PLXNA4: variants seen among roughly 807,000 people sequenced by gnomAD.
PLXNA4 encodes the protein plexin-A4.
A neutral mutation model predicts 191.8 loss-of-function variants in PLXNA4; 44 were observed. The observed-to-expected ratio is 0.23, with a 90% CI of 0.18 to 0.29. The LOEUF (loss-of-function observed/expected upper bound fraction) is 0.29. Among genes scored for constraint, PLXNA4 ranks in the 10% least tolerant of loss-of-function variants. The probability of loss-of-function intolerance (pLI) is 1.00; values close to 1 mark genes in which losing one functional copy is unlikely to be tolerated. For synonymous variants in PLXNA4, 1,082 were observed against 1,009.5 expected (o/e 1.07, Z -1.36); for missense variants, 1,800 against 2,488.8 (o/e 0.72, Z 5.89).
At chr7:132,433,771 C>G (rs572187803) in intron 3 of PLXNA4, among the ~76,000 whole-genome samples, 18 of 152,288 alleles carry the variant, frequency 1.2e-4, no homozygotes, top group African/African-American at 4.3e-4. Context: ...CTCAGGTCAG[C>G]CCTGACTTCC....
intron 2 of PLXNA4, among the ~76,000 whole-genome samples, chr7:132,505,658 T>G (rs1798438191): frequency 6.6e-6 from 1 of 152,206 alleles, no homozygotes; most frequent in East Asian, 1.9e-4. Flanking sequence ...CCTTGGGCAA[T>G]TCATTCAGCT....
intron 4 of PLXNA4, among the ~76,000 whole-genome samples, chr7:132,251,464 C>A (rs1433661495): frequency 1.3e-5 from 2 of 152,088 alleles, no homozygotes; most frequent in East Asian, 3.9e-4. Flanking sequence ...GGCAGCGGAG[C>A]CAAGCTAGTC....
rs779555562 is a variant in PLXNA4 at position 132,194,105 on chromosome 7, C to T, written c.2813G>A (p.Arg938Gln). The change falls in exon 14 of 32, where the codon CGG becomes CAG. Residue 938 changes from arginine to glutamine, a missense_variant. This residue lies in a region of PLXNA4 where 1,397 missense variants were observed against 1,880.4 expected (regional missense o/e 0.74). Coordinates refer to ENST00000321063, the MANE Select transcript of PLXNA4 (RefSeq NM_020911.2). ...GFVEICVAVC[R>Q]PEFMARSSQL... ...TGAGGACCGGGCCATGAATTCAGGC[C>T]GACACACAGCCACGCAGATCTCCAC... The T allele has an allele frequency of 5.6e-6, 9 of 1,613,664 alleles. No homozygotes were observed. Among genetic ancestry groups the T allele is most frequent in the East Asian group, 2.2e-5 (1 of 44,846 alleles).
chr7:132,536,774 C>T lies in PLXNA4; in HGVS notation c.-86-27995G>A, dbSNP rs556871376. Among the ~76,000 whole-genome samples, 57 of 152,312 alleles carry T rather than the reference C, an allele frequency of 3.7e-4. 1 individual carries two copies. The South Asian group carries it at 0.01, about 27-fold the overall frequency. On this transcript the variant is annotated intron_variant, in intron 1 of 31. Coordinates refer to ENST00000321063, the MANE Select transcript of PLXNA4 (RefSeq NM_020911.2). ...CAGCAACTCATACACCACCCCTAAG[C>T]GAGGAAATGCTGCCCTAAACGTATG... is the stretch of plus-strand genomic sequence containing the variant.
At chr7:132,586,279 G>A (rs1287875443) in intron 2 of PLXNA4, among the ~76,000 whole-genome samples, 6 of 152,162 alleles carry the variant, frequency 3.9e-5, no homozygotes, top group African/African-American at 1.4e-4. Flanking sequence ...GTCTATGATT[G>A]CAATAAAAGA....
chr7:132,431,996 A>T (rs904480623), intron 3 of PLXNA4, among the ~76,000 whole-genome samples: 7 of 152,032 alleles, frequency 4.6e-5, no homozygotes, highest in African/African-American at 1.7e-4. Context: ...GACCCTCCTC[A>T]TACTGCCTAC....
chr7:132,523,555 G>A (rs978417344), intron 1 of PLXNA4, among the ~76,000 whole-genome samples: 6 of 152,226 alleles, frequency 3.9e-5, no homozygotes, highest in African/African-American at 7.2e-5. Flanking sequence ...AGCAGATGCC[G>A]GAGGGTATAT....
At chr7:132,509,160 A>AGAGG (rs530262352) in intron 1 of PLXNA4, among the ~76,000 whole-genome samples, 2,431 of 124,172 alleles carry the variant, frequency 0.02, 91 homozygotes, top group African/African-American at 0.067. Context: ...CTGGAGGAGA[A>AGAGG]GAGGGAGGGA....
At chr7:132,147,499 G>T (rs1382676702) in intron 27 of PLXNA4, among the ~76,000 whole-genome samples, 1 of 152,110 alleles carries the variant, frequency 6.6e-6, no homozygotes, top group African/African-American at 2.4e-5. Context: ...GTCTGTACCT[G>T]CACTCCACTG....
intron 4 of PLXNA4, among the ~76,000 whole-genome samples, chr7:132,275,751 C>T (rs540198426): frequency 6.6e-6 from 1 of 152,350 alleles, no homozygotes; most frequent in South Asian, 2.1e-4. Flanking sequence ...TCCTCTAGCT[C>T]TACTGGAGTG....
chr7:132,253,875 C>A (rs1435374678), intron 4 of PLXNA4, among the ~76,000 whole-genome samples: 1 of 152,196 alleles, frequency 6.6e-6, no homozygotes, highest in African/African-American at 2.4e-5. Flanking sequence ...CTACAGCCCC[C>A]ATATGTGCAG....
chr7:132,487,652 GGA>G (rs1797614452), intron 3 of PLXNA4, among the ~76,000 whole-genome samples: 1 of 152,196 alleles, frequency 6.6e-6, no homozygotes, highest in African/African-American at 2.4e-5. Flanking sequence ...GAATGAGGGA[GGA>G]GGAAAGGTGC....
At chr7:132,411,288 G>A (rs936592943) in intron 3 of PLXNA4, among the ~76,000 whole-genome samples, 29 of 152,124 alleles carry the variant, frequency 1.9e-4, no homozygotes, top group African/African-American at 5.8e-4. Context: ...GACTCTGAAC[G>A]GGTATCTTCC....
intron 1 of PLXNA4, among the ~76,000 whole-genome samples, chr7:132,567,983 G>T (rs542647367): frequency 6.6e-6 from 1 of 152,276 alleles, no homozygotes; most frequent in African/African-American, 2.4e-5. Context: ...GATAGGGTCA[G>T]TATCTAATGG....
intron 3 of PLXNA4, among the ~76,000 whole-genome samples, chr7:132,453,554 T>C (rs1265166115): frequency 6.6e-6 from 1 of 152,082 alleles, no homozygotes; most frequent in Non-Finnish European, 1.5e-5. Context: ...GAGGGTTTTT[T>C]TTTTTTCTTC....
intron 24 of PLXNA4, among the ~76,000 whole-genome samples, chr7:132,160,830 C>T (rs1271932260): frequency 2.0e-5 from 3 of 152,204 alleles, no homozygotes; most frequent in Non-Finnish European, 4.4e-5. Flanking sequence ...CATGTGGTGG[C>T]AATCAGAACC....
chr7:132,628,270 C>T (rs1340387285), intron 2 of PLXNA4, among the ~76,000 whole-genome samples: 1 of 152,170 alleles, frequency 6.6e-6, no homozygotes, highest in South Asian at 2.1e-4. Flanking sequence ...GGTCTTCCAA[C>T]TTTTAATGTT....
chr7:132,590,096 GAT>G (rs1294326692), intron 2 of PLXNA4, among the ~76,000 whole-genome samples: 1 of 152,202 alleles, frequency 6.6e-6, no homozygotes, highest in African/African-American at 2.4e-5. Context: ...AACTGGGAAA[GAT>G]AACAGAAAAG....
chr7:132,490,731 A>G (rs1797763664), intron 2 of PLXNA4, among the ~76,000 whole-genome samples: 1 of 152,098 alleles, frequency 6.6e-6, no homozygotes, highest in Non-Finnish European at 1.5e-5. Flanking sequence ...CAGCTGCTAA[A>G]CCATTTTGAC....
Sources: allele counts gnomAD v4.1 joint callset (sites outside exome capture counted in the v4.1 genomes callset), GRCh38; gene constraint gnomAD v4.1.1; regional missense constraint gnomAD v4.1.1; transcripts MANE v1.5; gene names NCBI Gene and HGNC (gene_info 2026-07-23, HGNC 2026-07-21).